NMRK1: variants seen among roughly 807,000 people sequenced by gnomAD.
NMRK1 encodes nicotinamide riboside kinase 1.
In NMRK1, 28 loss-of-function variants were observed where a neutral mutation model predicts 29.9. That is an observed-to-expected ratio of 0.94 (90% CI 0.69 to 1.28). NMRK1 has a LOEUF of 1.28. Among genes scored for constraint, NMRK1 ranks in the 50% most tolerant of loss-of-function variants. The pLI, the probability that NMRK1 is intolerant of heterozygous loss-of-function variation, is 0.00. For missense variants in NMRK1, 218 were observed against 233.1 expected, an observed-to-expected ratio of 0.94 and a Z score of 0.42; for synonymous variants, 58 against 73.0, an observed-to-expected ratio of 0.79 and a Z score of 1.05.
At chr9:75,081,220 A>G (rs1824302560) in intron 2 of NMRK1, among the ~76,000 whole-genome samples, 1 of 152,212 alleles carries the variant, frequency 6.6e-6, no homozygotes, top group African/African-American at 2.4e-5. Context: ...GGCTAAGTTC[A>G]TAAGATGCAA....
chr9:75,079,707 T>C (rs893533582), intron 2 of NMRK1, among the ~76,000 whole-genome samples: 6 of 151,124 alleles, frequency 4.0e-5, no homozygotes, highest in African/African-American at 9.8e-5. Flanking sequence ...ACCCAAAACA[T>C]GGCGGAAAGG....
chr9:75,078,779 A>G (rs1824157481), intron 2 of NMRK1, among the ~76,000 whole-genome samples: 1 of 152,290 alleles, frequency 6.6e-6, no homozygotes, highest in East Asian at 1.9e-4. Flanking sequence ...TTGAAGTATC[A>G]TCGATGTTCA....
Position 75,060,953 on chromosome 9 carries a change from T to C in NMRK1, c.*595A>G, listed in dbSNP as rs2117937933. ...TTGTAGCGAATTGTTGATTTATTCATTGTGACTGCAGCTCCTAGTAATGCT... is the reference window on the plus strand; with the variant it reads ...TTGTAGCGAATTGTTGATTTATTCACTGTGACTGCAGCTCCTAGTAATGCT... On this transcript the variant is annotated 3_prime_UTR_variant, in exon 9 of 9. Coordinates refer to ENST00000361092, the MANE Select transcript of NMRK1 (RefSeq NM_017881.3). 6.6e-6 allele frequency: 1 copy of C among 152,138 alleles called. No individual in the cohort carries two copies. Among genetic ancestry groups the C allele is most frequent in the Admixed American group, 6.5e-5 (1 of 15,290 alleles). 9.4% of individuals were successfully genotyped at this position (152,138 alleles called of 1,614,324 possible).
chr9:75,087,667 C>G (rs1164924114), intron 1 of NMRK1: 2 of 151,698 alleles, frequency 1.3e-5, no homozygotes, highest in African/African-American at 2.4e-5. Flanking sequence ...AGGCAGCAGG[C>G]GGGCAGTAGG....
intron 4 of NMRK1, 31 bp downstream of exon 4, chr9:75,077,128 C>T: frequency 2.3e-6 from 3 of 1,299,806 alleles, no homozygotes; most frequent in Non-Finnish European, 2.2e-6. Flanking sequence ...TGAACATAAG[C>T]ATATAATATT....
intron 2 of NMRK1, among the ~76,000 whole-genome samples, chr9:75,081,248 C>T (rs961174959): frequency 2.6e-5 from 4 of 152,164 alleles, no homozygotes; most frequent in African/African-American, 9.7e-5. Context: ...ACAAAAGTCG[C>T]CTTAACTGAA....
At chr9:75,084,123 A>G (rs555848193) in intron 1 of NMRK1, among the ~76,000 whole-genome samples, 15 of 152,278 alleles carry the variant, frequency 9.9e-5, no homozygotes, top group African/African-American at 3.6e-4. Flanking sequence ...ACAATGGGCC[A>G]TTTTTCTCAC....
rs1824788294 is a variant in NMRK1, at chr9:75,088,010, G to C, written c.-38C>G. On this transcript the variant is annotated splice_region_variant and 5_prime_UTR_variant, in exon 1 of 9. Transcript: ENST00000361092. ...GGGGCGAGCAGGTACGCACTCACCTGGCGCCAGTTCGAGTCCTCCCAAACA... is the reference window on the plus strand; with the variant it reads ...GGGGCGAGCAGGTACGCACTCACCTCGCGCCAGTTCGAGTCCTCCCAAACA... 6.5e-6 allele frequency: 1 copy of C among 152,994 alleles called. No homozygotes were observed. 9.5% of individuals were successfully genotyped at this position (152,994 alleles called of 1,614,324 possible).
chr9:75,062,967 G>T (rs1823112615), intron 8 of NMRK1, among the ~76,000 whole-genome samples: 1 of 152,098 alleles, frequency 6.6e-6, no homozygotes, highest in Admixed American at 6.6e-5. Flanking sequence ...GAAGGTGGAG[G>T]TTGCAGTGAG....
At chr9:75,086,592 A>G (rs1334894243) in intron 1 of NMRK1, among the ~76,000 whole-genome samples, 2 of 152,212 alleles carry the variant, frequency 1.3e-5, no homozygotes, top group Non-Finnish European at 1.5e-5. Context: ...TTTCACTACT[A>G]AACACTTGCC....
intron 1 of NMRK1, among the ~76,000 whole-genome samples, chr9:75,085,479 T>A (rs959321556): frequency 4.6e-5 from 7 of 152,174 alleles, no homozygotes; most frequent in African/African-American, 1.7e-4. Flanking sequence ...TTCTTACTGA[T>A]GTATTATTGA....
At chr9:75,070,917 T>C (rs1298625407) in intron 4 of NMRK1, among the ~76,000 whole-genome samples, 2 of 152,190 alleles carry the variant, frequency 1.3e-5, no homozygotes, top group East Asian at 1.9e-4. Flanking sequence ...ATCTCTTTAA[T>C]GTCTGTAGGA....
chr9:75,078,804 T>A lies in NMRK1; in HGVS notation c.30-1224A>T, dbSNP rs1824159217. Reference sequence around the variant, plus strand: ...ATCGATGTTCATTATTGTTTCTGATTTATGGCATTGTTTAGACCCACTTCT... The same window carrying A: ...ATCGATGTTCATTATTGTTTCTGATATATGGCATTGTTTAGACCCACTTCT... On this transcript the variant is annotated intron_variant, in intron 2 of 8. Coordinates refer to ENST00000361092, the MANE Select transcript of NMRK1 (RefSeq NM_017881.3). 5.9e-5 allele frequency among the ~76,000 whole-genome samples: 9 copies of A among 152,202 alleles called. No individual in the cohort carries two copies. In the South Asian group the frequency reaches 1.9e-3, roughly 32 times the overall value.
chr9:75,066,741 T>G lies in NMRK1; in HGVS notation c.580+16A>C. The G allele has an allele frequency of 6.9e-7, 1 of 1,439,776 alleles. No homozygotes were observed. The highest frequency in any genetic ancestry group is 9.8e-7 in the Non-Finnish European group (1 of 1,021,274). 89.2% of individuals were successfully genotyped at this position (1,439,776 alleles called of 1,614,324 possible). A position where few individuals can be genotyped will look rare whatever the true frequency, so the allele number is the denominator to read the frequency against. ...TGTTTCTCCTCTACCATCCACTTTG[T>G]TAGCACAATACTTACACTTTTGCTT... On this transcript the variant is annotated intron_variant, in intron 8 of 8. Transcript: ENST00000361092.
chr9:75,086,938 G>A (rs1587417888), intron 1 of NMRK1, among the ~76,000 whole-genome samples: 1 of 142,366 alleles, frequency 7.0e-6, no homozygotes, highest in Non-Finnish European at 1.5e-5. Flanking sequence ...ACAGAGTCTC[G>A]CTCTGTTGCC....
intron 2 of NMRK1, among the ~76,000 whole-genome samples, chr9:75,082,020 A>C (rs1219916937): frequency 6.6e-6 from 1 of 152,216 alleles, no homozygotes; most frequent in Non-Finnish European, 1.5e-5. Context: ...GCTACCCCTG[A>C]GGCTAATACA....
intron 4 of NMRK1, among the ~76,000 whole-genome samples, chr9:75,072,447 T>A (rs1256944333): frequency 6.6e-6 from 1 of 152,246 alleles, no homozygotes; most frequent in Non-Finnish European, 1.5e-5. Flanking sequence ...TAATTTTCAT[T>A]GTGATTTAGC....
At position 75,069,774 on chromosome 9, in the gene NMRK1, A is replaced by C. The variant is rs3752955; in HGVS notation, c.357T>G (p.Thr119=). ...DTIWNRSYFL[T]IPYEECKRRR... ...TCCTTTTACATTCTTCATATGGAATAGTCAGGAAATAGCTTCTATTCCATA... is the reference window on the plus strand; with the variant it reads ...TCCTTTTACATTCTTCATATGGAATCGTCAGGAAATAGCTTCTATTCCATA... The change falls in exon 6 of 9, where the codon ACT becomes ACG. Residue 119 remains threonine (T), a synonymous_variant. Coordinates refer to ENST00000361092, the MANE Select transcript of NMRK1 (RefSeq NM_017881.3). The C allele has an allele frequency of 0.55, 888,810 of 1,608,666 alleles. 248,542 individuals are homozygous for C. Among genetic ancestry groups the C allele is most frequent in the African/African-American group, 0.72 (53,729 of 74,732 alleles).
chr9:75,067,319 GTGTGTGTGTGTATGTT>G (rs934482452), intron 7 of NMRK1: 1 of 123,376 alleles, frequency 8.1e-6, no homozygotes, highest in African/African-American at 3.4e-5. Flanking sequence ...AATATGTATT[GTGTGTGTGTGTATGTT>G]TGTGTGTGTG....
Sources: allele counts gnomAD v4.1 joint callset (sites outside exome capture counted in the v4.1 genomes callset), GRCh38; gene constraint gnomAD v4.1.1; transcripts MANE v1.5; gene names NCBI Gene and HGNC (gene_info 2026-07-23, HGNC 2026-07-21).